The following TBL1X variants were observed in gnomAD, a reference collection of about 807,000 sequenced individuals.
TBL1X encodes the protein transducin beta like 1 X-linked.
TBL1X carries 10 observed loss-of-function variants against 50.7 expected under a neutral mutation model. The ratio of observed to expected loss-of-function variants is 0.20; its 90% CI spans 0.12 to 0.33. TBL1X has a LOEUF of 0.33. TBL1X is among the 10% of genes least tolerant of loss of function. TBL1X has a pLI of 1.00. For synonymous variants in TBL1X, 190 were observed against 214.7 expected (o/e 0.88, Z 1.01); for missense variants, 340 against 504.4 (o/e 0.67, Z 3.12).
intron 2 of TBL1X, among the ~76,000 whole-genome samples, chrX:9,558,527 A>G (rs1006309425): frequency 9.2e-6 from 1 of 108,610 alleles, no homozygotes; most frequent in African/African-American, 3.4e-5. Flanking sequence ...CAAAAAAAAA[A>G]GGAAGGAAAA....
At chrX:9,654,897 G>A (rs187779594) in intron 5 of TBL1X, among the ~76,000 whole-genome samples, 122 of 111,435 alleles carry the variant, frequency 1.1e-3, no homozygotes, top group African/African-American at 3.7e-3. Context: ...GGGAAGTAGT[G>A]GGAAGAAGCC....
chrX:9,685,863 T>C (rs890374740), intron 6 of TBL1X, among the ~76,000 whole-genome samples: 10 of 108,775 alleles, frequency 9.2e-5, no homozygotes, highest in Non-Finnish European at 1.3e-4. Context: ...CTGGAACTTA[T>C]AGGTACACAC....
intron 2 of TBL1X, among the ~76,000 whole-genome samples, chrX:9,600,024 G>A (rs747361553): frequency 9.0e-6 from 1 of 111,384 alleles, no homozygotes; most frequent in Non-Finnish European, 1.9e-5. Flanking sequence ...ATCCAGGATG[G>A]GAAATCAATG....
At chrX:9,491,017 C>T (rs933083629) in intron 1 of TBL1X, among the ~76,000 whole-genome samples, 3 of 109,148 alleles carry the variant, frequency 2.7e-5, no homozygotes, top group African/African-American at 1.0e-4. Flanking sequence ...CTCACTCTAT[C>T]ACCCAGGCTG....
chrX:9,669,986 A>G (rs1164678138), intron 5 of TBL1X, among the ~76,000 whole-genome samples: 1 of 111,556 alleles, frequency 9.0e-6, no homozygotes. Context: ...CTGGGGGAAA[A>G]ATTTAGTTTA....
intron 2 of TBL1X, among the ~76,000 whole-genome samples, chrX:9,519,794 T>C (rs2082098303): frequency 9.0e-6 from 1 of 111,545 alleles, no homozygotes; most frequent in Admixed American, 9.6e-5. Context: ...GAGAGGGGGT[T>C]GGAGGAACGG....
chrX:9,622,709 C>T (rs1315502302), intron 2 of TBL1X, among the ~76,000 whole-genome samples: 1 of 111,833 alleles, frequency 8.9e-6, no homozygotes, highest in Non-Finnish European at 1.9e-5. Flanking sequence ...GCCATGTTGG[C>T]CAGGCTGGTC....
intron 12 of TBL1X, among the ~76,000 whole-genome samples, chrX:9,704,054 C>T (rs1320126885): frequency 8.9e-6 from 1 of 111,863 alleles, no homozygotes; most frequent in Non-Finnish European, 1.9e-5. Context: ...GAATGAGACC[C>T]ATAGCTGTAA....
rs572743375 is a variant in TBL1X at position 9,651,011 on chromosome X, C to CT, written c.-42-2499dup. Among the ~76,000 whole-genome samples, 115 of 30,938 alleles carry CT rather than the reference C, an allele frequency of 3.7e-3. 11 individuals carry two copies. Among genetic ancestry groups the CT allele is most frequent in the Non-Finnish European group, 4.7e-3 (89 of 18,889 alleles). 26.9% of individuals were successfully genotyped at this position (30,938 alleles called of 115,157 possible). A position where few individuals can be genotyped will look rare whatever the true frequency, so the allele number is the denominator to read the frequency against. ...TATATTGGGATTTGTAGCTGCCAGC[C>CT]TTTTTTTTTTTTTTTTTTTTTTTTT... On this transcript the variant is annotated intron_variant, in intron 3 of 17. Coordinates refer to ENST00000645353, the MANE Select transcript of TBL1X (RefSeq NM_005647.4).
intron 2 of TBL1X, among the ~76,000 whole-genome samples, chrX:9,583,018 T>A (rs1476733501): frequency 8.9e-6 from 1 of 112,900 alleles, no homozygotes; most frequent in Non-Finnish European, 1.9e-5. Context: ...AGGATTTTTT[T>A]ATGATACTAT....
At chrX:9,570,683 T>G (rs2082380846) in intron 2 of TBL1X, among the ~76,000 whole-genome samples, 5 of 97,487 alleles carry the variant, frequency 5.1e-5, no homozygotes, top group South Asian at 1.0e-3. Flanking sequence ...TTTTTGTTTT[T>G]TTTTTTTTTT....
chrX:9,509,737 C>T (rs907076845), intron 2 of TBL1X, among the ~76,000 whole-genome samples: 2 of 110,302 alleles, frequency 1.8e-5, no homozygotes, highest in African/African-American at 3.3e-5. Context: ...CAGCCCACCT[C>T]GGCCTTTCAA....
At chrX:9,628,446 A>G (rs1043159789) in intron 2 of TBL1X, among the ~76,000 whole-genome samples, 1 of 112,404 alleles carries the variant, frequency 8.9e-6, no homozygotes, top group Non-Finnish European at 1.9e-5. Flanking sequence ...TGTAATTTTA[A>G]TAGCAACTTA....
intron 3 of TBL1X, among the ~76,000 whole-genome samples, chrX:9,643,324 T>C (rs1015187939): frequency 1.8e-5 from 2 of 111,257 alleles, no homozygotes; most frequent in Non-Finnish European, 3.8e-5. Context: ...CGTGAGGAGA[T>C]TGAGGAGTCC....
At chrX:9,550,068 G>A (rs2082263575) in intron 2 of TBL1X, among the ~76,000 whole-genome samples, 1 of 111,453 alleles carries the variant, frequency 9.0e-6, no homozygotes, top group African/African-American at 3.3e-5. Context: ...GCAGTCACTC[G>A]GTGCCCGCCT....
intron 12 of TBL1X, among the ~76,000 whole-genome samples, chrX:9,697,799 T>G (rs2083141486): frequency 9.0e-6 from 1 of 111,538 alleles, no homozygotes. Context: ...TAATCCAAAA[T>G]TAGGCTGGGC....
At chrX:9,491,599 C>T (rs1458821538) in intron 1 of TBL1X, among the ~76,000 whole-genome samples, 1 of 109,503 alleles carries the variant, frequency 9.1e-6, no homozygotes, top group Admixed American at 9.9e-5. Context: ...CAGTCAGTTG[C>T]TAATGGTATC....
intron 2 of TBL1X, among the ~76,000 whole-genome samples, chrX:9,551,866 C>G (rs2082272846): frequency 8.9e-6 from 1 of 111,854 alleles, no homozygotes; most frequent in African/African-American, 3.2e-5. Flanking sequence ...CCCGGAGACC[C>G]TCCAATCTGA....
intron 17 of TBL1X, among the ~76,000 whole-genome samples, chrX:9,715,228 TG>T (rs2083271260): frequency 8.9e-6 from 1 of 112,283 alleles, no homozygotes; most frequent in Non-Finnish European, 1.9e-5. Context: ...GTCAAATTGG[TG>T]GTTCTCAACC....
Sources: gnomAD v4.1 joint callset for allele counts (sites outside exome capture counted in the v4.1 genomes callset) on GRCh38, gnomAD v4.1.1 for gene constraint, MANE v1.5 for transcripts, NCBI Gene and HGNC (gene_info 2026-07-23, HGNC 2026-07-21) for gene names.